Variants in NALF1 observed in about 807,000 individuals in gnomAD.
NALF1 encodes the protein family with sequence similarity 155 member A.
Under a neutral mutation model 48.4 loss-of-function variants are expected in NALF1, and 3 were observed. That is an observed-to-expected ratio of 0.06 (90% CI 0.03 to 0.16). The LOEUF (loss-of-function observed/expected upper bound fraction) is 0.16. Ranked by LOEUF, NALF1 falls within the 10% of genes least tolerant of loss-of-function variation. The pLI, the probability that NALF1 is intolerant of heterozygous loss-of-function variation, is 1.00. For missense variants in NALF1, 526 were observed against 571.5 expected, an observed-to-expected ratio of 0.92 and a Z score of 0.81; for synonymous variants, 262 against 245.7, an observed-to-expected ratio of 1.07 and a Z score of -0.62.
At chr13:107,857,647 C>T (rs1015937906) in intron 1 of NALF1, among the ~76,000 whole-genome samples, 1 of 152,192 alleles carries the variant, frequency 6.6e-6, no homozygotes, top group Non-Finnish European at 1.5e-5. Context: ...AAACATTTTA[C>T]TCCAACTGAA....
chr13:107,224,613 G>A (rs1880064503), intron 1 of NALF1, among the ~76,000 whole-genome samples: 1 of 152,056 alleles, frequency 6.6e-6, no homozygotes, highest in Non-Finnish European at 1.5e-5. Flanking sequence ...CCTAGCATGT[G>A]TTTTGCCGTG....
chr13:107,789,208 A>C (rs1049763175), intron 1 of NALF1: 8 of 152,202 alleles, frequency 5.3e-5, no homozygotes, highest in Admixed American at 3.3e-4. Flanking sequence ...AGATCATGAT[A>C]CTACAATTAA....
At chr13:107,369,353 G>GA (rs1394574938) in intron 1 of NALF1, among the ~76,000 whole-genome samples, 1 of 151,992 alleles carries the variant, frequency 6.6e-6, no homozygotes, top group Admixed American at 6.6e-5. Flanking sequence ...ACACATAAAT[G>GA]AAAAAATAGA....
chr13:107,548,029 A>T (rs1877180666), intron 1 of NALF1, among the ~76,000 whole-genome samples: 1 of 151,946 alleles, frequency 6.6e-6, no homozygotes, highest in Admixed American at 6.6e-5. Flanking sequence ...TATATAGGTG[A>T]ACTCGTGTCA....
intron 1 of NALF1, among the ~76,000 whole-genome samples, chr13:107,386,087 A>C (rs767143357): frequency 6.6e-6 from 1 of 151,406 alleles, no homozygotes. Flanking sequence ...AATGTCTTAA[A>C]ATTTTATTGA....
intron 1 of NALF1, among the ~76,000 whole-genome samples, chr13:107,707,676 C>G (rs1036190641): frequency 6.6e-6 from 1 of 152,198 alleles, no homozygotes; most frequent in African/African-American, 2.4e-5. Flanking sequence ...ATGGTAGTAT[C>G]CTATCTGGCT....
chr13:107,570,299 C>T (rs1051742425), intron 1 of NALF1, among the ~76,000 whole-genome samples: 1 of 151,944 alleles, frequency 6.6e-6, no homozygotes, highest in Non-Finnish European at 1.5e-5. Flanking sequence ...CATTCTTCCA[C>T]CATAAAGTAT....
intron 1 of NALF1, among the ~76,000 whole-genome samples, chr13:107,629,059 T>A (rs1351111367): frequency 6.6e-6 from 1 of 152,186 alleles, no homozygotes; most frequent in African/African-American, 2.4e-5. Flanking sequence ...CTTGTACTCT[T>A]ACAACCACAC....
intron 1 of NALF1, among the ~76,000 whole-genome samples, chr13:107,299,680 CCTTA>C (rs1881801429): frequency 7.5e-6 from 1 of 133,532 alleles, no homozygotes; most frequent in African/African-American, 2.9e-5. Flanking sequence ...AAGAACTGTT[CCTTA>C]TTTATTTATT....
chr13:107,561,748 C>T (rs1877653141), intron 1 of NALF1, among the ~76,000 whole-genome samples: 1 of 152,222 alleles, frequency 6.6e-6, no homozygotes, highest in South Asian at 2.1e-4. Context: ...ATTATTTCAT[C>T]TTCCCCACTT....
chr13:107,259,971 C>T (rs905350066), intron 1 of NALF1, among the ~76,000 whole-genome samples: 1 of 152,162 alleles, frequency 6.6e-6, no homozygotes, highest in African/African-American at 2.4e-5. Context: ...TACTTGATAG[C>T]AACTCAATAA....
chr13:107,831,651 T>G (rs1879734126), intron 1 of NALF1, among the ~76,000 whole-genome samples: 1 of 152,012 alleles, frequency 6.6e-6, no homozygotes, highest in African/African-American at 2.4e-5. Context: ...CTGAGAAAGG[T>G]GATTATATAA....
At chr13:107,783,610 T>C (rs536172369) in intron 1 of NALF1, among the ~76,000 whole-genome samples, 2 of 152,120 alleles carry the variant, frequency 1.3e-5, no homozygotes, top group Non-Finnish European at 2.9e-5. Context: ...CACTCAGGGT[T>C]GAATGGATTA....
chr13:107,501,988 T>C (rs1464498598), intron 1 of NALF1, among the ~76,000 whole-genome samples: 2 of 152,172 alleles, frequency 1.3e-5, no homozygotes, highest in East Asian at 1.9e-4. Context: ...TTGCAGATAA[T>C]ATTTGACTGA....
chr13:107,597,999 A>G (rs1878804873), intron 1 of NALF1, among the ~76,000 whole-genome samples: 1 of 152,196 alleles, frequency 6.6e-6, no homozygotes, highest in African/African-American at 2.4e-5. Context: ...TACAGTGACA[A>G]TTACAAGACT....
chr13:107,456,658 G>A (rs912459129), intron 1 of NALF1, among the ~76,000 whole-genome samples: 1 of 152,144 alleles, frequency 6.6e-6, no homozygotes, highest in Non-Finnish European at 1.5e-5. Context: ...TCTCGTTACA[G>A]CCTGAAATTT....
chr13:107,394,837 G>C (rs1438307498), intron 1 of NALF1, among the ~76,000 whole-genome samples: 1 of 151,964 alleles, frequency 6.6e-6, no homozygotes, highest in Non-Finnish European at 1.5e-5. Context: ...GGAACAATAG[G>C]AGAAAAAACA....
rs1455877441 is a variant in NALF1, at chr13:107,325,988, T to TATACATAC, written c.916-115234_916-115233insGTATGTAT. On this transcript the variant is annotated intron_variant, in intron 1 of 2. Transcript: ENST00000375915. ...CATATATACAACACACATATACATATATACATATATATGTATATGTGTGTG... is the reference window on the plus strand; with the variant it reads ...CATATATACAACACACATATACATATATACATACATACATATATATGTATATGTGTGTG... 6.7e-5 allele frequency among the ~76,000 whole-genome samples: 10 copies of TATACATAC among 148,830 alleles called. No individual in the cohort carries two copies. In the South Asian group the frequency reaches 2.1e-3, roughly 32 times the overall value.
intron 1 of NALF1, among the ~76,000 whole-genome samples, chr13:107,517,627 G>A (rs187186884): frequency 1.4e-5 from 2 of 146,780 alleles, no homozygotes; most frequent in East Asian, 2.1e-4. Context: ...AGAGTGAGAC[G>A]CTGTTTCAAA....
Sources: gnomAD v4.1 joint callset for allele counts (sites outside exome capture counted in the v4.1 genomes callset) on GRCh38, gnomAD v4.1.1 for gene constraint, MANE v1.5 for transcripts, NCBI Gene and HGNC (gene_info 2026-07-23, HGNC 2026-07-21) for gene names.